HELQ: variants seen among roughly 807,000 people sequenced by gnomAD.
The protein encoded by HELQ is helicase POLQ-like.
Under a neutral mutation model 111.6 loss-of-function variants are expected in HELQ, and 77 were observed. That is an observed-to-expected ratio of 0.69 (90% CI 0.57 to 0.83). HELQ has a LOEUF of 0.83. Ranked by LOEUF, HELQ falls within the 40% of genes least tolerant of loss-of-function variation. The pLI is 0.00. For synonymous variants in HELQ, 438 were observed against 454.7 expected, an observed-to-expected ratio of 0.96 and a Z score of 0.47; for missense variants, 1,200 against 1,288.5, an observed-to-expected ratio of 0.93 and a Z score of 1.05.
In HELQ at chr4:83,453,097, C is replaced by T. The variant is rs145241819; in HGVS notation, c.1012+134G>A. 5 of 614,944 alleles carry T rather than the reference C, an allele frequency of 8.1e-6. No individual in the cohort carries two copies. The African/African-American group carries it at 9.3e-5, about 11-fold the overall frequency. The allele number at this position is 614,944 out of a possible 1,614,324, so 38.1% of individuals were successfully genotyped here. A position where few individuals can be genotyped will look rare whatever the true frequency, so the allele number is the denominator to read the frequency against. ...GCAGGACAGGTAGGAATGGAAGGGG[C>T]TGAGAGATCACTGATCTTTTGTTTT... On this transcript the variant is annotated intron_variant, in intron 2 of 17. Coordinates refer to ENST00000295488, the MANE Select transcript of HELQ (RefSeq NM_133636.5).
Position 83,455,522 on chromosome 4 carries a change from C to T in HELQ, c.172G>A (p.Val58Ile). ...AENRRRKTAG[V>I]LPVEVQPLLL... Reference sequence around the variant, plus strand: ...AGGGGCTGTACCTCAACCGGCAGTACGCCCGCGGTTTTCCGCCTCCTGTTC... The same window carrying T: ...AGGGGCTGTACCTCAACCGGCAGTATGCCCGCGGTTTTCCGCCTCCTGTTC... Residue 58 changes from valine to isoleucine, a missense_variant, in exon 1 of 18, where the codon GTA (valine) becomes ATA (isoleucine). Physicochemically the swap from Val to Ile is conservative, Grantham distance 29. Transcript: ENST00000295488. The T allele has an allele frequency of 6.2e-7, 1 of 1,614,184 alleles. No individual in the cohort carries two copies. The highest frequency in any genetic ancestry group is 8.5e-7 in the Non-Finnish European group (1 of 1,180,030).
In HELQ at chr4:83,448,798, T is replaced by C. The variant is rs759431433; in HGVS notation, c.1176A>G (p.Ala392=). The C allele has an allele frequency of 1.1e-5, 17 of 1,612,626 alleles. No individual in the cohort carries two copies. The South Asian group carries it at 1.9e-4, about 18-fold the overall frequency. The part of the protein sequence containing the change: ...KDVLMILPYV[A]IVQEKISGLS... The stretch of plus-strand genomic sequence containing the variant: ...ACACACACACCTTTTCTTGGACAAT[T>C]GCCACATATGGAAGAATCATTAAAA... The change falls in exon 3 of 18, where the codon GCA becomes GCG. Residue 392 remains alanine, a synonymous_variant. Coordinates refer to ENST00000295488, the MANE Select transcript of HELQ (RefSeq NM_133636.5).
At chr4:83,411,514 G>A (rs542108120) in intron 17 of HELQ, among the ~76,000 whole-genome samples, 1 of 151,462 alleles carries the variant, frequency 6.6e-6, no homozygotes, top group South Asian at 2.1e-4. Flanking sequence ...TGAAGTAGGA[G>A]GATTGCTTGA....
At chr4:83,435,368 G>A (rs376597363) in intron 9 of HELQ, among the ~76,000 whole-genome samples, 2 of 151,934 alleles carry the variant, frequency 1.3e-5, no homozygotes, top group East Asian at 3.9e-4. Flanking sequence ...TCCATGCAGA[G>A]ACAAAAATGA....
At chr4:83,428,022 C>G (rs1341044577) in intron 12 of HELQ, among the ~76,000 whole-genome samples, 1 of 152,032 alleles carries the variant, frequency 6.6e-6, no homozygotes, top group Non-Finnish European at 1.5e-5. Context: ...AAAAAGAATG[C>G]AAGTGTCCAT....
At chr4:83,441,268 G>C in intron 7 of HELQ, 37 bp downstream of exon 7, 1 of 1,176,402 alleles carries the variant, frequency 8.5e-7, no homozygotes, top group South Asian at 1.3e-5. Flanking sequence ...CAGACACAAA[G>C]TCTGGTAACC....
Position 83,447,047 on chromosome 4 carries a change from G to A in HELQ, c.1192-12C>T. 1.3e-6 allele frequency: 2 copies of A among 1,590,044 alleles called. No individual in the cohort carries two copies. Among genetic ancestry groups the A allele is most frequent in the Non-Finnish European group, 1.7e-6 (2 of 1,161,044 alleles). On this transcript the variant is annotated splice_polypyrimidine_tract_variant and intron_variant, in intron 3 of 17. Coordinates refer to ENST00000295488, the MANE Select transcript of HELQ (RefSeq NM_133636.5). Reference sequence around the variant, plus strand: ...GACAAACCTGAAATCTAGAATATTAGTTAAAATAAAGAAAAATTGGCCAGG... The same window carrying A: ...GACAAACCTGAAATCTAGAATATTAATTAAAATAAAGAAAAATTGGCCAGG...
intron 1 of HELQ, 131 bp from the exon 2 acceptor site, chr4:83,454,076 C>G: frequency 1.5e-6 from 1 of 656,350 alleles, no homozygotes; most frequent in Non-Finnish European, 2.7e-6. Flanking sequence ...TAGTGGCATG[C>G]TCCTGTAATC....
At chr4:83,418,586 T>C (rs1179554796) in intron 15 of HELQ, among the ~76,000 whole-genome samples, 1 of 152,198 alleles carries the variant, frequency 6.6e-6, no homozygotes, top group African/African-American at 2.4e-5. Flanking sequence ...AAATGTAACA[T>C]GATGTTCAAT....
chr4:83,408,725 T>C (rs1157005386), intron 17 of HELQ, among the ~76,000 whole-genome samples: 2 of 151,824 alleles, frequency 1.3e-5, no homozygotes, highest in African/African-American at 4.8e-5. Context: ...AACCAGTTTC[T>C]TGAGCTCCCA....
intron 17 of HELQ, among the ~76,000 whole-genome samples, chr4:83,412,616 C>T (rs1314922043): frequency 1.3e-5 from 2 of 152,106 alleles, no homozygotes; most frequent in African/African-American, 2.4e-5. Flanking sequence ...GCTTGAGGCC[C>T]GGAGTTCAAG....
chr4:83,451,864 G>C (rs376259910), intron 2 of HELQ, among the ~76,000 whole-genome samples: 1 of 152,136 alleles, frequency 6.6e-6, no homozygotes, highest in East Asian at 1.9e-4. Flanking sequence ...TCACAATTTG[G>C]ATTCTTGTAG....
At chr4:83,444,378 T>G (rs2110005455) in intron 5 of HELQ, among the ~76,000 whole-genome samples, 1 of 152,236 alleles carries the variant, frequency 6.6e-6, no homozygotes, top group East Asian at 1.9e-4. Context: ...CTTTTAATTT[T>G]ATTTATTTAT....
At chr4:83,422,797 C>G (rs996303170) in intron 14 of HELQ, among the ~76,000 whole-genome samples, 1 of 152,076 alleles carries the variant, frequency 6.6e-6, no homozygotes, top group Non-Finnish European at 1.5e-5. Flanking sequence ...GTGAGAGAGA[C>G]TTTTACAGTT....
intron 14 of HELQ, among the ~76,000 whole-genome samples, chr4:83,423,562 C>CA (rs949954221): frequency 3.9e-5 from 6 of 151,942 alleles, no homozygotes; most frequent in African/African-American, 1.5e-4. Context: ...TTTCCTAAGC[C>CA]AAGAAAAATG....
intron 17 of HELQ, among the ~76,000 whole-genome samples, chr4:83,414,171 G>A (rs546560858): frequency 6.6e-6 from 1 of 152,304 alleles, no homozygotes; most frequent in East Asian, 1.9e-4. Context: ...CAGCTAGGGT[G>A]GTCCTAGCTA....
chr4:83,408,543 G>T lies in HELQ; in HGVS notation c.3199-983C>A, dbSNP rs1280033846. Among the ~76,000 whole-genome samples the T allele has an allele frequency of 2.0e-5, 3 of 150,270 alleles. No homozygotes were observed. The East Asian group carries it at 5.8e-4, about 29-fold the overall frequency. Reference sequence around the variant, plus strand: ...TGGGATTACAGGTGTGAGCCACCATGCCCAGCCTCTTTTTTTTTTTTTAAT... The same window carrying T: ...TGGGATTACAGGTGTGAGCCACCATTCCCAGCCTCTTTTTTTTTTTTTAAT... On this transcript the variant is annotated intron_variant, in intron 17 of 17. Coordinates refer to ENST00000295488, the MANE Select transcript of HELQ (RefSeq NM_133636.5).
chr4:83,409,507 T>C (rs905971780), intron 17 of HELQ, among the ~76,000 whole-genome samples: 2 of 151,722 alleles, frequency 1.3e-5, no homozygotes, highest in African/African-American at 4.8e-5. Flanking sequence ...TGAGCCAAGA[T>C]TGCACCACTG....
intron 8 of HELQ, among the ~76,000 whole-genome samples, chr4:83,438,834 T>C (rs991321404): frequency 1.3e-5 from 2 of 151,896 alleles, no homozygotes; most frequent in Non-Finnish European, 2.9e-5. Flanking sequence ...ATTAGTCCTT[T>C]GACTGACTAA....
Sources: allele counts gnomAD v4.1 joint callset (sites outside exome capture counted in the v4.1 genomes callset), GRCh38; gene constraint gnomAD v4.1.1; transcripts MANE v1.5; gene names NCBI Gene and HGNC (gene_info 2026-07-23, HGNC 2026-07-21).